The following RARB variants were observed in gnomAD, a reference collection of about 807,000 sequenced individuals.
The protein encoded by RARB is retinoic acid receptor beta.
In RARB, 17 loss-of-function variants were observed where a neutral mutation model predicts 51.9. The ratio of observed to expected loss-of-function variants is 0.33; its 90% confidence interval spans 0.22 to 0.49. The LOEUF is 0.49. RARB is among the 20% of genes least tolerant of loss of function. RARB has a pLI of 0.99. For synonymous variants in RARB, 215 were observed against 195.4 expected, an observed-to-expected ratio of 1.10 and a Z score of -0.84; for missense variants, 369 against 550.8, an observed-to-expected ratio of 0.67 and a Z score of 3.30.
intron 2 of RARB, among the ~76,000 whole-genome samples, chr3:25,002,366 C>T (rs1167983298): frequency 2.0e-5 from 3 of 152,180 alleles, no homozygotes; most frequent in Non-Finnish European, 2.9e-5. Context: ...ACTGTATCCC[C>T]AGTGCTTAGA....
chr3:25,435,069 T>C (rs1382949948), intron 1 of RARB, among the ~76,000 whole-genome samples: 30 of 152,186 alleles, frequency 2.0e-4, no homozygotes, highest in Admixed American at 2.0e-3. Context: ...AACAGAAGGA[T>C]TTTATTTCTT....
At chr3:25,109,025 T>C (rs181430187) in intron 3 of RARB, among the ~76,000 whole-genome samples, 1 of 152,294 alleles carries the variant, frequency 6.6e-6, no homozygotes, top group Non-Finnish European at 1.5e-5. Flanking sequence ...ACACCAATGA[T>C]AACATCTTGG....
chr3:25,312,263 T>C (rs964783501), intron 5 of RARB, among the ~76,000 whole-genome samples: 2 of 152,226 alleles, frequency 1.3e-5, no homozygotes, highest in East Asian at 3.8e-4. Flanking sequence ...TATACTGACT[T>C]TTCTGTAGAT....
intron 2 of RARB, among the ~76,000 whole-genome samples, chr3:24,879,630 T>A (rs899051565): frequency 3.9e-5 from 6 of 151,936 alleles, no homozygotes; most frequent in Non-Finnish European, 7.4e-5. Flanking sequence ...TGAGACCAGC[T>A]TGGAAAACAT....
intron 2 of RARB, among the ~76,000 whole-genome samples, chr3:25,000,229 G>C (rs1258563060): frequency 1.3e-5 from 2 of 152,146 alleles, no homozygotes; most frequent in African/African-American, 2.4e-5. Context: ...TGAGGTACTA[G>C]TGCTTTACTT....
intron 2 of RARB, among the ~76,000 whole-genome samples, chr3:24,926,966 C>T (rs1695334068): frequency 6.6e-6 from 1 of 151,940 alleles, no homozygotes; most frequent in African/African-American, 2.4e-5. Flanking sequence ...AAATAAGAGC[C>T]ATTAGGGCTG....
At chr3:25,522,569 T>C (rs753800828) in intron 3 of RARB, among the ~76,000 whole-genome samples, 8 of 152,096 alleles carry the variant, frequency 5.3e-5, no homozygotes, top group Non-Finnish European at 7.4e-5. Flanking sequence ...AAGTAAAGTG[T>C]TGCCTGCTTG....
intron 2 of RARB, among the ~76,000 whole-genome samples, chr3:24,977,539 C>T (rs565846957): frequency 6.6e-6 from 1 of 152,100 alleles, no homozygotes; most frequent in Non-Finnish European, 1.5e-5. Context: ...AATGGGAGTT[C>T]ACTCATGATT....
intron 5 of RARB, among the ~76,000 whole-genome samples, chr3:25,334,229 G>A (rs111360374): frequency 0.011 from 1,698 of 152,208 alleles, 25 homozygotes; most frequent in African/African-American, 0.038. Flanking sequence ...ACATGCACAC[G>A]TATGTTTATT....
At chr3:25,545,467 C>A (rs745936969) in intron 3 of RARB, among the ~76,000 whole-genome samples, 1 of 152,062 alleles carries the variant, frequency 6.6e-6, no homozygotes, top group Non-Finnish European at 1.5e-5. Context: ...AGAACCTAGA[C>A]TTTGAGTCCA....
intron 4 of RARB, among the ~76,000 whole-genome samples, chr3:25,170,565 G>A (rs190050328): frequency 2.2e-4 from 33 of 152,230 alleles, no homozygotes; most frequent in Admixed American, 3.3e-4. Flanking sequence ...TTTAAAAATC[G>A]TGTTGTAAGT....
intron 5 of RARB, among the ~76,000 whole-genome samples, chr3:25,585,700 C>T (rs552752693): frequency 4.5e-4 from 69 of 152,342 alleles, no homozygotes; most frequent in African/African-American, 1.6e-3. Context: ...GACAGGGGCT[C>T]ATGCCATCTT....
rs192811684 is a variant in RARB, at chr3:25,449,999, G to A, written c.158-11194G>A. Among the ~76,000 whole-genome samples, 14 of 152,196 alleles carry A rather than the reference G, an allele frequency of 9.2e-5. No individual in the cohort carries two copies. The East Asian group carries it at 9.7e-4, about 10-fold the overall frequency. On this transcript the variant is annotated intron_variant, in intron 1 of 7. Transcript: ENST00000330688. ...ACTTCTGTCCTCAAGTGATCCACCCGCCACAACCTCCCAAGTGCTGGGATT... is the reference window on the plus strand; with the variant it reads ...ACTTCTGTCCTCAAGTGATCCACCCACCACAACCTCCCAAGTGCTGGGATT...
At chr3:24,940,054 G>A (rs1398883814) in intron 2 of RARB, among the ~76,000 whole-genome samples, 1 of 152,150 alleles carries the variant, frequency 6.6e-6, no homozygotes, top group Non-Finnish European at 1.5e-5. Flanking sequence ...CTCTGGGGAT[G>A]ACTGTGTAGA....
chr3:25,362,779 G>T (rs1705988161), intron 5 of RARB, among the ~76,000 whole-genome samples: 1 of 152,084 alleles, frequency 6.6e-6, no homozygotes, highest in African/African-American at 2.4e-5. Flanking sequence ...ACCCTGCTTT[G>T]GCTCATCCTT....
intron 5 of RARB, among the ~76,000 whole-genome samples, chr3:25,357,230 C>T (rs144478167): frequency 0.014 from 2,170 of 152,280 alleles, 28 homozygotes; most frequent in Non-Finnish European, 0.018. Context: ...GATGGTATCT[C>T]ATTGTGGTTT....
intron 2 of RARB, among the ~76,000 whole-genome samples, chr3:24,879,484 A>ATTTT (rs11417502): frequency 0.044 from 5,307 of 121,376 alleles, 282 homozygotes; most frequent in East Asian, 0.16. Flanking sequence ...AAGGATCTCC[A>ATTTT]TTTTTTTTTT....
At chr3:25,081,465 C>G (rs1038829656) in intron 3 of RARB, among the ~76,000 whole-genome samples, 1 of 149,584 alleles carries the variant, frequency 6.7e-6, no homozygotes, top group South Asian at 2.1e-4. Context: ...TATTCTACAT[C>G]ATTACTGATT....
intron 3 of RARB, among the ~76,000 whole-genome samples, chr3:25,555,766 C>T (rs569380722): frequency 3.2e-4 from 49 of 152,252 alleles, no homozygotes; most frequent in Admixed American, 2.4e-3. Flanking sequence ...TAGATGGCCC[C>T]GGGGATGTTG....
Sources: allele counts gnomAD v4.1 joint callset (sites outside exome capture counted in the v4.1 genomes callset), GRCh38; gene constraint gnomAD v4.1.1; transcripts MANE v1.5; gene names NCBI Gene and HGNC (gene_info 2026-07-23, HGNC 2026-07-21).